The following DMRT2 variants were observed in gnomAD, a reference collection of about 807,000 sequenced individuals.
DMRT2 encodes the protein doublesex- and mab-3-related transcription factor 2.
DMRT2 carries 33 observed loss-of-function variants against 43.5 expected under a neutral mutation model. The observed-to-expected ratio is 0.76, with a 90% CI of 0.58 to 1.01. DMRT2 has a LOEUF of 1.01. DMRT2 is among the 50% of genes least tolerant of loss of function. The pLI is 0.00. For missense variants in DMRT2, 1,064 were observed against 748.0 expected, an observed-to-expected ratio of 1.42 and a Z score of -4.93; for synonymous variants, 395 against 309.2, an observed-to-expected ratio of 1.28 and a Z score of -2.91.
At position 1,057,310 on chromosome 9, in the gene DMRT2, C is replaced by A; in HGVS notation, c.*37C>A. On this transcript the variant is annotated 3_prime_UTR_variant, in exon 4 of 4. Coordinates refer to ENST00000358146, the MANE Select transcript of DMRT2 (RefSeq NM_181872.6). Reference sequence around the variant, plus strand: ...AACAGAAAGCTGGATTTTCTGCAGTCTTAGAGCATTATAGCCATTTGCTAC... The same window carrying A: ...AACAGAAAGCTGGATTTTCTGCAGTATTAGAGCATTATAGCCATTTGCTAC... 6.4e-7 allele frequency: 1 copy of A among 1,556,938 alleles called. No homozygotes were observed. Among genetic ancestry groups the A allele is most frequent in the South Asian group, 1.2e-5 (1 of 82,598 alleles).
intron 2 of DMRT2, chr9:1,053,123 T>TGGGA (rs1206156568): frequency 6.6e-6 from 1 of 152,192 alleles, no homozygotes. Context: ...GACGCGGGCG[T>TGGGA]GGGAGGGCCC....
rs1237634268 is a variant in DMRT2 at position 1,051,822 on chromosome 9, C to T, written c.209C>T (p.Ala70Val). The T allele has an allele frequency of 2.1e-6, 3 of 1,461,266 alleles. No homozygotes were observed. Among genetic ancestry groups the T allele is most frequent in the Admixed American group, 2.6e-5 (1 of 38,170 alleles). 90.5% of individuals were successfully genotyped at this position (1,461,266 alleles called of 1,614,324 possible). A position where few individuals can be genotyped will look rare whatever the true frequency, so the allele number is the denominator to read the frequency against. The stretch of plus-strand genomic sequence containing the variant: ...GAGGGCGACGGCGAGGAGGCAGGCG[C>T]GTCCCCCGGGATGCCCGGCCAGCCG... ...EEEGDGEEAG[A>V]SPGMPGQPEQ... The change falls in exon 2 of 4, where the codon GCG (alanine) becomes GTG (valine). Residue 70 changes from alanine to valine, a missense_variant. Transcript: ENST00000358146. This position sits in a 1 kb window ranked among gnomAD's most constrained non-coding sequence, Gnocchi z 5.9.
chr9:1,053,556 G>C (rs1022804735), intron 2 of DMRT2, among the ~76,000 whole-genome samples, 166 bp from the exon 3 acceptor site: 2 of 152,194 alleles, frequency 1.3e-5, no homozygotes, highest in African/African-American at 4.8e-5. Context: ...AGGATTAAGG[G>C]GTGCTGATAT....
At chr9:1,053,637 G>A in intron 2 of DMRT2, 85 bp from the exon 3 acceptor site, 1 of 1,170,186 alleles carries the variant, frequency 8.5e-7, no homozygotes, top group Non-Finnish European at 1.2e-6. Flanking sequence ...AGAGTTTCTA[G>A]AAGATTTACG....
intron 2 of DMRT2, 70 bp downstream of exon 2, chr9:1,052,208 G>A (rs1021519368): frequency 2.4e-6 from 3 of 1,237,726 alleles, no homozygotes; most frequent in African/African-American, 1.6e-5. Flanking sequence ...GAGCGGGGCG[G>A]CCGTCCACAC....
chr9:1,051,449 T>TGAGGAAGTGAGG lies in DMRT2; in HGVS notation c.-44-121_-44-120insGAGGAAGTGAGG, dbSNP rs1821567000. 8.4e-7 allele frequency: 1 copy of TGAGGAAGTGAGG among 1,184,204 alleles called. No individual in the cohort carries two copies. Among genetic ancestry groups the TGAGGAAGTGAGG allele is most frequent in the Admixed American group, 3.8e-5 (1 of 26,664 alleles). 73.4% of individuals were successfully genotyped at this position (1,184,204 alleles called of 1,614,324 possible). The stretch of plus-strand genomic sequence containing the variant: ...GTGTGGCCTGGAAGTGAGGGACATG[T>TGAGGAAGTGAGG]AATGAGAACAGGATGACTCAAGCGG... On this transcript the variant is annotated intron_variant, in intron 1 of 3. Transcript: ENST00000358146. This position sits in a 1 kb window ranked among gnomAD's most constrained non-coding sequence, Gnocchi z 5.9.
rs1320578263 is a variant in DMRT2 at position 1,057,095 on chromosome 9, A to C, written c.1508A>C (p.His503Pro). 2 of 1,614,186 alleles carry C rather than the reference A, an allele frequency of 1.2e-6. No individual in the cohort carries two copies. The highest frequency in any genetic ancestry group is 1.7e-6 in the Non-Finnish European group (2 of 1,180,044). The change falls in exon 4 of 4, where the codon CAC becomes CCC. Residue 503 changes from histidine (H) to proline (P), a missense_variant. Transcript: ENST00000358146. Reference protein sequence around the residue: ...KEAFEETPKKHRECLVKDNQK... With the variant: ...KEAFEETPKKPRECLVKDNQK... Reference sequence around the variant, plus strand: ...GCCTTTGAAGAGACCCCTAAGAAACACAGAGAGTGTTTAGTTAAGGACAAC... The same window carrying C: ...GCCTTTGAAGAGACCCCTAAGAAACCCAGAGAGTGTTTAGTTAAGGACAAC...
intron 3 of DMRT2, among the ~76,000 whole-genome samples, chr9:1,055,111 G>A (rs1363698675): frequency 6.6e-6 from 1 of 152,210 alleles, no homozygotes; most frequent in Non-Finnish European, 1.5e-5. Flanking sequence ...AAAGCAACTT[G>A]TGAAGTCTGA....
chr9:1,056,474 G>C lies in DMRT2; in HGVS notation c.887G>C (p.Ser296Thr), dbSNP rs773704993. The C allele has an allele frequency of 1.9e-6, 3 of 1,614,168 alleles. No individual in the cohort carries two copies. The East Asian group carries it at 6.7e-5, about 36-fold the overall frequency. ...AGCCCCAGCCCAGTGGAACCACCAAGCAAGGACTTCTGTAATTTTTTGCCC... is the reference window on the plus strand; with the variant it reads ...AGCCCCAGCCCAGTGGAACCACCAACCAAGGACTTCTGTAATTTTTTGCCC... ...AYSPSPVEPP[S>T]KDFCNFLPTC... The change falls in exon 4 of 4, where the codon AGC becomes ACC. Residue 296 changes from serine (S) to threonine (T), a missense_variant. Coordinates refer to ENST00000358146, the MANE Select transcript of DMRT2 (RefSeq NM_181872.6).
At position 1,057,550 on chromosome 9, in the gene DMRT2, C is replaced by G; in HGVS notation, c.*277C>G. 8.9e-6 allele frequency: 3 copies of G among 337,390 alleles called. No individual in the cohort carries two copies. In the South Asian group the frequency reaches 2.1e-4, roughly 23 times the overall value. 20.9% of individuals were successfully genotyped at this position (337,390 alleles called of 1,614,324 possible). ...AATTGACACTGTCTTCTCAAAGACC[C>G]AATATTTGCCGAAGCAAATAGCTGT... On this transcript the variant is annotated 3_prime_UTR_variant, in exon 4 of 4. Coordinates refer to ENST00000358146, the MANE Select transcript of DMRT2 (RefSeq NM_181872.6).
At chr9:1,055,171 TATC>T (rs1185307756) in intron 3 of DMRT2, among the ~76,000 whole-genome samples, 2 of 152,224 alleles carry the variant, frequency 1.3e-5, no homozygotes, top group Non-Finnish European at 2.9e-5. Flanking sequence ...GGCAAAAACT[TATC>T]ATAGAAATGT....
rs758048987 is a variant in DMRT2, at chr9:1,056,341, A to G, written c.754A>G (p.Arg252Gly). 6.2e-7 allele frequency: 1 copy of G among 1,614,188 alleles called. No individual in the cohort carries two copies. Among genetic ancestry groups the G allele is most frequent in the East Asian group, 2.2e-5 (1 of 44,868 alleles). ...DKELENIMLE[R>G]EYKEREMLET... ...AGAGTTGGAGAACATTATGCTGGAG[A>G]GAGAATATAAAGAAAGGGAGATGTT... Residue 252 changes from arginine (R) to glycine (G), a missense_variant, in exon 4 of 4, where the codon AGA (arginine) becomes GGA (glycine). Physicochemically the swap from Arg to Gly is moderately radical, Grantham distance 125. Transcript: ENST00000358146.
chr9:1,056,835 C>G lies in DMRT2; in HGVS notation c.1248C>G (p.Asp416Glu). 1 of 1,614,154 alleles carries G rather than the reference C, an allele frequency of 6.2e-7. No homozygotes were observed. The highest frequency in any genetic ancestry group is 8.5e-7 in the Non-Finnish European group (1 of 1,180,030). Reference protein sequence around the residue: ...HTPEIQTTRSDLQGHQAVPER... With the variant: ...HTPEIQTTRSELQGHQAVPER... ...CTGAGATCCAGACCACGAGAAGTGA[C>G]CTTCAGGGTCATCAGGCTGTCCCAG... Residue 416 changes from aspartate to glutamate, a missense_variant, in exon 4 of 4, where the codon GAC becomes GAG. By Grantham distance (45) the Asp-to-Glu change is conservative. Transcript: ENST00000358146.
In DMRT2 at chr9:1,051,564, C is replaced by G. The variant is rs571259414; in HGVS notation, c.-44-6C>G. 2.0e-6 allele frequency: 3 copies of G among 1,466,118 alleles called. No homozygotes were observed. Among genetic ancestry groups the G allele is most frequent in the South Asian group, 2.7e-5 (2 of 73,484 alleles). The allele number at this position is 1,466,118 out of a possible 1,614,324, so 90.8% of individuals were successfully genotyped here. On this transcript the variant is annotated splice_region_variant and splice_polypyrimidine_tract_variant and intron_variant, in intron 1 of 3. Transcript: ENST00000358146. This position sits in a 1 kb window ranked among gnomAD's most constrained non-coding sequence, Gnocchi z 5.9. ...TGGGTCTTTGGATTTCTTTGTGTTTCCCCAGAGTGAGGGCCGCCAGGCTCA... is the reference window on the plus strand; with the variant it reads ...TGGGTCTTTGGATTTCTTTGTGTTTGCCCAGAGTGAGGGCCGCCAGGCTCA...
intron 2 of DMRT2, 128 bp from the exon 3 acceptor site, chr9:1,053,594 G>T: frequency 1.2e-6 from 1 of 833,256 alleles, no homozygotes. Context: ...TTTTTCACAC[G>T]GAATGGGAAA....
In DMRT2 at chr9:1,056,899, C is replaced by G. The variant is rs779378470; in HGVS notation, c.1312C>G (p.Pro438Ala). Residue 438 changes from proline to alanine, a missense_variant, in exon 4 of 4, where the codon CCC becomes GCC. Coordinates refer to ENST00000358146, the MANE Select transcript of DMRT2 (RefSeq NM_181872.6). The stretch of plus-strand genomic sequence containing the variant: ...CTCCCCACCCCGACGGAATTTCTCT[C>G]CCATTGTTGACACGGACTCCCTGGC... Reference protein sequence around the residue: ...AFSPPRRNFSPIVDTDSLAAQ... With the variant: ...AFSPPRRNFSAIVDTDSLAAQ... 5.6e-6 allele frequency: 9 copies of G among 1,614,148 alleles called. No homozygotes were observed. The highest frequency in any genetic ancestry group is 1.3e-5 in the African/African-American group (1 of 75,026).
At chr9:1,054,685 T>A (rs1177225979) in intron 3 of DMRT2, 2 of 150,342 alleles carry the variant, frequency 1.3e-5, no homozygotes, top group Non-Finnish European at 3.0e-5. Context: ...CTCAATAATA[T>A]ATTGACTATT....
chr9:1,053,975 C>T, intron 3 of DMRT2, 151 bp downstream of exon 3: 1 of 610,726 alleles, frequency 1.6e-6, no homozygotes, highest in Non-Finnish European at 2.7e-6. Flanking sequence ...TCGCTGAGCC[C>T]GTACGCTAAA....
rs1412512028 is a variant in DMRT2, at chr9:1,056,520, G to A, written c.933G>A (p.Met311Ile). The A allele has an allele frequency of 1.9e-6, 3 of 1,614,060 alleles. No homozygotes were observed. Among genetic ancestry groups the A allele is most frequent in the Admixed American group, 1.7e-5 (1 of 60,002 alleles). The change falls in exon 4 of 4, where the codon ATG (methionine) becomes ATA (isoleucine). Residue 311 changes from methionine to isoleucine, a missense_variant. Physicochemically the swap from Met to Ile is conservative, Grantham distance 10. Coordinates refer to ENST00000358146, the MANE Select transcript of DMRT2 (RefSeq NM_181872.6). The stretch of plus-strand genomic sequence containing the variant: ...TGCCCACCTGCCTTGATTTAACCAT[G>A]CAGTATTCAGGGTCTGGGAATATGG... ...NFLPTCLDLT[M>I]QYSGSGNMEL...
Sources: allele counts gnomAD v4.1 joint callset (sites outside exome capture counted in the v4.1 genomes callset), GRCh38; gene constraint gnomAD v4.1.1; non-coding constraint Gnocchi (gnomAD v3.1); transcripts MANE v1.5; gene names NCBI Gene and HGNC (gene_info 2026-07-23, HGNC 2026-07-21).